Variants in CDH12 observed in about 807,000 individuals in gnomAD.
CDH12 encodes the protein cadherin 12.
In CDH12, 41 loss-of-function variants were observed where a neutral mutation model predicts 74.1. The ratio of observed to expected loss-of-function variants is 0.55; its 90% CI spans 0.43 to 0.72. The LOEUF is 0.72. CDH12 is among the 30% of genes least tolerant of loss of function. CDH12 has a pLI of 0.00. For synonymous variants in CDH12, 399 were observed against 355.0 expected (o/e 1.12, Z -1.39); for missense variants, 945 against 977.2 (o/e 0.97, Z 0.44).
chr5:21,758,005 A>G (rs1422702275), intron 13 of CDH12, among the ~76,000 whole-genome samples: 2 of 152,146 alleles, frequency 1.3e-5, no homozygotes, highest in East Asian at 3.9e-4. Flanking sequence ...TTTCCATGCT[A>G]CATCCAAGCA....
chr5:22,542,137 T>A (rs1412785422), intron 1 of CDH12, among the ~76,000 whole-genome samples: 1 of 152,214 alleles, frequency 6.6e-6, no homozygotes, highest in Non-Finnish European at 1.5e-5. Context: ...ATTTAATCAA[T>A]GTTGACAACT....
At chr5:21,904,538 A>G (rs1753548385) in intron 6 of CDH12, among the ~76,000 whole-genome samples, 1 of 152,042 alleles carries the variant, frequency 6.6e-6, no homozygotes, top group African/African-American at 2.4e-5. Flanking sequence ...AGAGGCTTGG[A>G]TGAGAGGATC....
At chr5:22,584,570 C>T (rs1391754836) in intron 1 of CDH12, among the ~76,000 whole-genome samples, 2 of 152,092 alleles carry the variant, frequency 1.3e-5, no homozygotes, top group African/African-American at 4.8e-5. Flanking sequence ...ACAAACAATG[C>T]TGCAATTGAT....
intron 5 of CDH12, among the ~76,000 whole-genome samples, chr5:22,064,021 AAACACACAC>A (rs1741386156): frequency 6.9e-6 from 1 of 145,424 alleles, no homozygotes; most frequent in Non-Finnish European, 1.5e-5. Flanking sequence ...ACACACACAC[AAACACACAC>A]ACACACACAG....
At chr5:21,907,363 C>T (rs1446155887) in intron 6 of CDH12, among the ~76,000 whole-genome samples, 1 of 152,076 alleles carries the variant, frequency 6.6e-6, no homozygotes, top group Non-Finnish European at 1.5e-5. Flanking sequence ...TTCTCACTAA[C>T]CTTAAGAGCA....
intron 5 of CDH12, among the ~76,000 whole-genome samples, chr5:22,046,750 A>C (rs2150189307): frequency 6.6e-6 from 1 of 152,304 alleles, no homozygotes; most frequent in East Asian, 1.9e-4. Context: ...CTGCATTAGA[A>C]GAAAATTGTT....
At chr5:22,414,984 C>T (rs952932736) in intron 2 of CDH12, among the ~76,000 whole-genome samples, 3 of 151,972 alleles carry the variant, frequency 2.0e-5, no homozygotes, top group Non-Finnish European at 2.9e-5. Flanking sequence ...ACTTAGATGA[C>T]TCATTTCTAT....
At chr5:22,032,743 A>G (rs1738903617) in intron 5 of CDH12, among the ~76,000 whole-genome samples, 1 of 138,040 alleles carries the variant, frequency 7.2e-6, no homozygotes, top group South Asian at 2.2e-4. Context: ...TTTTGTATAT[A>G]TACATATTTA....
intron 1 of CDH12, among the ~76,000 whole-genome samples, chr5:22,786,176 G>GCCTT (rs1747614438): frequency 1.3e-5 from 2 of 152,142 alleles, no homozygotes; most frequent in Admixed American, 6.6e-5. Flanking sequence ...AACATGGATG[G>GCCTT]AGCTGGAGGA....
At chr5:22,682,781 T>A (rs1313322684) in intron 1 of CDH12, among the ~76,000 whole-genome samples, 2 of 151,824 alleles carry the variant, frequency 1.3e-5, no homozygotes, top group Non-Finnish European at 2.9e-5. Context: ...TTACTCTCAT[T>A]AAAACCTTCC....
intron 1 of CDH12, among the ~76,000 whole-genome samples, chr5:22,608,764 T>C (rs572875647): frequency 1.7e-4 from 26 of 152,142 alleles, no homozygotes; most frequent in African/African-American, 6.0e-4. Flanking sequence ...TTTCGTGAGA[T>C]CTGATGGTTT....
intron 7 of CDH12, among the ~76,000 whole-genome samples, chr5:21,846,829 G>A (rs900998770): frequency 2.6e-5 from 4 of 152,062 alleles, no homozygotes; most frequent in Non-Finnish European, 5.9e-5. Flanking sequence ...TAATCATTCT[G>A]AATAATGTCA....
intron 3 of CDH12, among the ~76,000 whole-genome samples, chr5:22,346,105 CAAAAAAAAAA>C (rs5866560): frequency 9.8e-6 from 1 of 101,644 alleles, no homozygotes. Context: ...GACTTCATCT[CAAAAAAAAAA>C]AAAAAAAAGG....
chr5:22,149,342 C>A (rs1747419599), intron 4 of CDH12, among the ~76,000 whole-genome samples: 1 of 152,190 alleles, frequency 6.6e-6, no homozygotes, highest in Non-Finnish European at 1.5e-5. Flanking sequence ...GTATACAGCA[C>A]TAAACTACAT....
intron 1 of CDH12, among the ~76,000 whole-genome samples, chr5:22,714,405 T>G (rs399921): frequency 0.27 from 41,781 of 152,070 alleles, 5,863 homozygotes; most frequent in South Asian, 0.31. Flanking sequence ...ATAACTCTTT[T>G]CATTTGATCA....
intron 1 of CDH12, among the ~76,000 whole-genome samples, chr5:22,767,029 A>C (rs1746550394): frequency 2.0e-5 from 3 of 152,036 alleles, no homozygotes; most frequent in Non-Finnish European, 2.9e-5. Context: ...CATGTATAAG[A>C]AATTTCAGAA....
intron 1 of CDH12, among the ~76,000 whole-genome samples, chr5:22,814,175 G>A (rs1031832523): frequency 2.0e-5 from 3 of 151,996 alleles, no homozygotes; most frequent in Admixed American, 2.0e-4. Context: ...ACATAATCTA[G>A]GTACATTAAA....
At chr5:22,839,545 C>T (rs1736993458) in intron 1 of CDH12, among the ~76,000 whole-genome samples, 1 of 151,760 alleles carries the variant, frequency 6.6e-6, no homozygotes, top group African/African-American at 2.4e-5. Flanking sequence ...TTAGTAGAGA[C>T]AGGGTTTCAC....
chr5:22,417,762 T>C (rs1423902045), intron 2 of CDH12, among the ~76,000 whole-genome samples: 1 of 152,198 alleles, frequency 6.6e-6, no homozygotes, highest in Non-Finnish European at 1.5e-5. Flanking sequence ...CTGATAAATA[T>C]ATAGAATAAA....
Sources: gnomAD v4.1 joint callset for allele counts (sites outside exome capture counted in the v4.1 genomes callset) on GRCh38, gnomAD v4.1.1 for gene constraint, MANE v1.5 for transcripts, NCBI Gene and HGNC (gene_info 2026-07-23, HGNC 2026-07-21) for gene names.